The following SAP130 variants were observed in gnomAD, a reference collection of about 807,000 sequenced individuals.
The protein encoded by SAP130 is histone deacetylase complex subunit SAP130.
Under a neutral mutation model 103.2 loss-of-function variants are expected in SAP130, and 16 were observed. The ratio of observed to expected loss-of-function variants is 0.16; its 90% CI spans 0.10 to 0.24. SAP130 has a LOEUF of 0.24. Among genes scored for constraint, SAP130 ranks in the 10% least tolerant of loss-of-function variants. The probability of loss-of-function intolerance (pLI) is 1.00; values close to 1 mark genes in which losing one functional copy is unlikely to be tolerated. For missense variants in SAP130, 990 were observed against 1,359.7 expected (o/e 0.73, Z 4.28); for synonymous variants, 477 against 497.0 (o/e 0.96, Z 0.53).
At chr2:128,007,718 TTAAGA>T (rs1467303896) in intron 7 of SAP130, among the ~76,000 whole-genome samples, 1 of 152,180 alleles carries the variant, frequency 6.6e-6, no homozygotes, top group South Asian at 2.1e-4. Context: ...AGCTAATGGC[TTAAGA>T]TAAGTTCCAG....
chr2:127,980,563 T>C (rs1681791923), intron 14 of SAP130, among the ~76,000 whole-genome samples: 1 of 152,154 alleles, frequency 6.6e-6, no homozygotes, highest in African/African-American at 2.4e-5. Flanking sequence ...CACAAAAATG[T>C]TCAGGGTATC....
chr2:128,000,144 T>C lies in SAP130; in HGVS notation c.1020A>G (p.Lys340=), dbSNP rs1277737733. ...CTGGCGTGCCAGTACTGAAGATTGT[T>C]TTCTGTGAGGGAAACCCCACAACAC... ...PKQQLHTMAQ[K]TIFSTGTPVA... The change falls in exon 9 of 21, where the codon AAA becomes AAG. Residue 340 remains lysine, a splice_region_variant and synonymous_variant. Transcript: ENST00000643581. 1.2e-6 allele frequency: 2 copies of C among 1,614,020 alleles called. No homozygotes were observed. Among genetic ancestry groups the C allele is most frequent in the Non-Finnish European group, 1.7e-6 (2 of 1,180,014 alleles).
chr2:127,979,546 A>G (rs10164600), intron 14 of SAP130, among the ~76,000 whole-genome samples: 3,959 of 36,804 alleles, frequency 0.11, 128 homozygotes, highest in East Asian at 0.36. Context: ...AGTCATATTA[A>G]CTAATCACAA....
chr2:127,980,701 T>TG (rs1681803235), intron 14 of SAP130, among the ~76,000 whole-genome samples: 1 of 152,174 alleles, frequency 6.6e-6, no homozygotes, highest in Non-Finnish European at 1.5e-5. Context: ...CCTAGCACTT[T>TG]GGGAGGCTGA....
chr2:128,026,158 T>C (rs547159640), intron 2 of SAP130, 23 bp downstream of exon 2: 2 of 1,467,918 alleles, frequency 1.4e-6, no homozygotes, highest in South Asian at 1.2e-5. Flanking sequence ...GGAAAAAATA[T>C]ATTAGAATAT....
At chr2:127,957,014 T>C (rs1040313186) in intron 15 of SAP130, among the ~76,000 whole-genome samples, 13 of 152,220 alleles carry the variant, frequency 8.5e-5, no homozygotes, top group Non-Finnish European at 4.4e-5. Context: ...AATGAAAATA[T>C]TGAGTTGGGC....
chr2:127,949,908 A>C lies in SAP130; in HGVS notation c.2758T>G (p.Tyr920Asp), dbSNP rs1163306649. ...TCACTGTACCTCTGAAAGTGGTGGT[A>C]AGCAGCTTTCCAGGGGTTCCGATAG... ...RHYRNPWKAAYHHFQRYSDVR... is the reference protein window; with the variant it reads ...RHYRNPWKAADHHFQRYSDVR... The change falls in exon 18 of 21, where the codon TAC (tyrosine) becomes GAC (aspartate). Residue 920 changes from tyrosine to aspartate, a missense_variant. Transcript: ENST00000643581. 1 of 1,614,186 alleles carries C rather than the reference A, an allele frequency of 6.2e-7. No homozygotes were observed. The highest frequency in any genetic ancestry group is 8.5e-7 in the Non-Finnish European group (1 of 1,180,020).
rs765629491 is a variant in SAP130 at position 127,949,882 on chromosome 2, G to A, written c.2784C>T (p.Asp928=). The A allele has an allele frequency of 7.4e-6, 12 of 1,613,954 alleles. No individual in the cohort carries two copies. Among genetic ancestry groups the A allele is most frequent in the South Asian group, 5.5e-5 (5 of 91,076 alleles). ...GGGGAAACTAACCTTTGACCCGGAC[G>A]TCACTGTACCTCTGAAAGTGGTGGT... ...AAYHHFQRYS[D]VRVKEEKKAM... is the part of the protein sequence containing the mutation. Residue 928 remains aspartate (D), a synonymous_variant, in exon 18 of 21, where the codon GAC becomes GAT. Coordinates refer to ENST00000643581, the MANE Select transcript of SAP130 (RefSeq NM_001330301.2).
chr2:128,026,356 A>C (rs2105271546), intron 1 of SAP130, 58 bp from the exon 2 acceptor site: 2 of 1,226,416 alleles, frequency 1.6e-6, no homozygotes, highest in East Asian at 4.6e-5. Flanking sequence ...ATCAATACTG[A>C]GAAATTAAAG....
intron 2 of SAP130, among the ~76,000 whole-genome samples, chr2:128,025,411 A>C (rs1444153752): frequency 6.6e-6 from 1 of 152,160 alleles, no homozygotes; most frequent in Non-Finnish European, 1.5e-5. Flanking sequence ...CTACCACTCA[A>C]AGGGTATAAG....
At chr2:127,948,165 A>G (rs1443594870) in intron 18 of SAP130, among the ~76,000 whole-genome samples, 1 of 152,104 alleles carries the variant, frequency 6.6e-6, no homozygotes, top group African/African-American at 2.4e-5. Context: ...TGTACACAGC[A>G]CATAGTTGGA....
intron 1 of SAP130, chr2:128,027,205 G>T: frequency 1.6e-6 from 2 of 1,216,084 alleles, no homozygotes; most frequent in South Asian, 4.0e-5. Flanking sequence ...GGGAGGGATC[G>T]CGGCGGCGGC....
At chr2:127,959,500 G>C (rs1382378969) in intron 15 of SAP130, among the ~76,000 whole-genome samples, 2 of 152,176 alleles carry the variant, frequency 1.3e-5, no homozygotes, top group African/African-American at 4.8e-5. Flanking sequence ...TATCATCAGA[G>C]GCCAACCGGG....
rs759445928 is a variant in SAP130, at chr2:128,018,483, C to CAAAAAAAAAAAAAAAAAAA, written c.113-587_113-569dup. Among the ~76,000 whole-genome samples, 36 of 69,470 alleles carry CAAAAAAAAAAAAAAAAAAA rather than the reference C, an allele frequency of 5.2e-4. 1 individual carries two copies. Among genetic ancestry groups the CAAAAAAAAAAAAAAAAAAA allele is most frequent in the African/African-American group, 2.0e-3 (30 of 15,292 alleles). 45.6% of individuals were successfully genotyped at this position (69,470 alleles called of 152,430 possible). On this transcript the variant is annotated intron_variant, in intron 2 of 20. Coordinates refer to ENST00000643581, the MANE Select transcript of SAP130 (RefSeq NM_001330301.2). ...CTGGGCGAGAGAGGAAGATTGTCTC[C>CAAAAAAAAAAAAAAAAAAA]AAAAAAAAAAAAAAAAAAAAAAAGG...
At chr2:128,000,022 C>T in intron 9 of SAP130, 34 bp downstream of exon 9, 1 of 1,595,764 alleles carries the variant, frequency 6.3e-7, no homozygotes, top group South Asian at 1.1e-5. Flanking sequence ...CTCCTTTTTC[C>T]CCAGTAGAAG....
rs36073149 is a variant in SAP130 at position 127,990,938 on chromosome 2, C to CAA, written c.1478-1074_1478-1073dup. On this transcript the variant is annotated intron_variant, in intron 12 of 20. Coordinates refer to ENST00000643581, the MANE Select transcript of SAP130 (RefSeq NM_001330301.2). ...CCTGAGTGACAGAGAAAGACTGTCT[C>CAA]AAAAAAAAAAAAAAAAAAGTAAAAG... 4.8e-3 allele frequency among the ~76,000 whole-genome samples: 569 copies of CAA among 119,300 alleles called. 3 individuals carry two copies. The highest frequency in any genetic ancestry group is 6.5e-3 in the Non-Finnish European group (384 of 59,280). 78.3% of individuals were successfully genotyped at this position (119,300 alleles called of 152,430 possible).
Position 127,954,978 on chromosome 2 carries a change from G to T in SAP130, c.2422+8C>A, listed in dbSNP as rs376957177. On this transcript the variant is annotated splice_region_variant and intron_variant, in intron 16 of 20. Coordinates refer to ENST00000643581, the MANE Select transcript of SAP130 (RefSeq NM_001330301.2). ...TGCCAATGGAGAGTATTCTATGGAC[G>T]GACTTACCAGAAACTGGCCTCATGA... is the stretch of plus-strand genomic sequence containing the variant. 47 of 1,579,728 alleles carry T rather than the reference G, an allele frequency of 3.0e-5. No homozygotes were observed. The highest frequency in any genetic ancestry group is 3.6e-5 in the Non-Finnish European group (42 of 1,156,184).
rs147895028 is a variant in SAP130 at position 127,996,395 on chromosome 2, C to T, written c.1310G>A (p.Arg437Gln). The T allele has an allele frequency of 3.3e-5, 53 of 1,610,888 alleles. No homozygotes were observed. Among genetic ancestry groups the T allele is most frequent in the Non-Finnish European group, 4.1e-5 (48 of 1,178,704 alleles). ...CATGGCCACAGGATTGGGAGAGGCCCGATGTCCGGAGATGGGAATCAGGCT... is the reference window on the plus strand; with the variant it reads ...CATGGCCACAGGATTGGGAGAGGCCTGATGTCCGGAGATGGGAATCAGGCT... ...RSSLIPISGH[R>Q]ASPNPVAMET... The change falls in exon 11 of 21, where the codon CGG (arginine) becomes CAG (glutamine). Residue 437 changes from arginine to glutamine, a missense_variant. Arg to Gln is a conservative substitution (Grantham distance 43). This residue lies in a region of SAP130 where 336 missense variants were observed against 520.1 expected (regional missense o/e 0.65). Transcript: ENST00000643581. The surrounding 1 kb of genome is among the most constrained non-coding windows in gnomAD (Gnocchi z 4.3).
At chr2:127,958,649 A>AT (rs1680015542) in intron 15 of SAP130, among the ~76,000 whole-genome samples, 1 of 125,274 alleles carries the variant, frequency 8.0e-6, no homozygotes, top group Non-Finnish European at 1.7e-5. Context: ...AGAGAGAGAG[A>AT]GAGAGAGAGA....
Sources: gnomAD v4.1 joint callset for allele counts (sites outside exome capture counted in the v4.1 genomes callset) on GRCh38, gnomAD v4.1.1 for gene constraint, gnomAD v4.1.1 regional missense constraint, Gnocchi (gnomAD v3.1) non-coding constraint, MANE v1.5 for transcripts, NCBI Gene and HGNC (gene_info 2026-07-23, HGNC 2026-07-21) for gene names.